The following ANKRD42 variants were observed in gnomAD, a reference collection of about 807,000 sequenced individuals.
ANKRD42 encodes ankyrin repeat domain-containing protein 42.
In ANKRD42, 43 loss-of-function variants were observed where a neutral mutation model predicts 51.5. The observed-to-expected ratio is 0.83, with a 90% CI of 0.65 to 1.08. The LOEUF (loss-of-function observed/expected upper bound fraction) is 1.08, where lower values mean the gene tolerates loss of function less well. Among genes scored for constraint, ANKRD42 ranks in the 50% least tolerant of loss-of-function variants. The probability of loss-of-function intolerance (pLI) is 0.00; values close to 1 mark genes in which losing one functional copy is unlikely to be tolerated. For missense variants in ANKRD42, 608 were observed against 629.3 expected (o/e 0.97, Z 0.36); for synonymous variants, 203 against 213.0 (o/e 0.95, Z 0.41).
intron 5 of ANKRD42, chr11:83,214,691 G>C: frequency 2.5e-6 from 1 of 406,244 alleles, no homozygotes; most frequent in Non-Finnish European, 3.3e-6. Context: ...AAGGTAATTG[G>C]GGTAGCCATC....
downstream of ANKRD42, among the ~76,000 whole-genome samples, chr11:83,264,073 C>A (rs534759932): frequency 1.3e-5 from 2 of 152,124 alleles, no homozygotes; most frequent in African/African-American, 2.4e-5. Context: ...TATAGAAATA[C>A]TAGCACAGGG....
chr11:83,213,413 T>C, intron 5 of ANKRD42: 1 of 1,547,374 alleles, frequency 6.5e-7, no homozygotes, highest in Non-Finnish European at 8.7e-7. Context: ...AGACAGCTCA[T>C]GTGCATGTTT....
chr11:83,220,066 T>TC (rs1414461159), intron 5 of ANKRD42, among the ~76,000 whole-genome samples: 25 of 152,188 alleles, frequency 1.6e-4, no homozygotes, highest in African/African-American at 6.0e-4. Context: ...GATGTGGCTG[T>TC]CTCATACTCA....
At chr11:83,252,607 C>T (rs1436362331), downstream of ANKRD42, among the ~76,000 whole-genome samples, 4 of 152,072 alleles carry the variant, frequency 2.6e-5, no homozygotes, top group South Asian at 4.1e-4. Flanking sequence ...GAACACATAC[C>T]GTGTGATTAC....
chr11:83,224,064 C>G (rs973398904), intron 5 of ANKRD42, among the ~76,000 whole-genome samples: 11 of 142,914 alleles, frequency 7.7e-5, no homozygotes, highest in Non-Finnish European at 1.7e-4. Context: ...TTGTTTTTTT[C>G]TTTAGTTTTT....
At chr11:83,221,298 G>T (rs1031908559) in intron 5 of ANKRD42, among the ~76,000 whole-genome samples, 2 of 152,000 alleles carry the variant, frequency 1.3e-5, no homozygotes, top group African/African-American at 4.8e-5. Context: ...GTTCTTCTAG[G>T]TTTCTTTGAG....
chr11:83,261,999 G>C, downstream of ANKRD42: 5 of 1,464,182 alleles, frequency 3.4e-6, no homozygotes, highest in Middle Eastern at 3.5e-4. Flanking sequence ...TATAGGTCTT[G>C]TATCTGTAAT....
At chr11:83,245,148 C>T (rs1195866732) in intron 9 of ANKRD42, among the ~76,000 whole-genome samples, 1 of 152,218 alleles carries the variant, frequency 6.6e-6, no homozygotes, top group African/African-American at 2.4e-5. Context: ...AGGTGATCCA[C>T]CCGCCTCGGC....
At chr11:83,233,929 C>T (rs183829827) in intron 7 of ANKRD42, among the ~76,000 whole-genome samples, 28 of 152,300 alleles carry the variant, frequency 1.8e-4, no homozygotes, top group African/African-American at 6.5e-4. Flanking sequence ...GTGATCCACC[C>T]GCTTTGGCCT....
intron 11 of ANKRD42, among the ~76,000 whole-genome samples, chr11:83,254,025 C>T (rs1181388246): frequency 2.0e-5 from 3 of 152,264 alleles, no homozygotes; most frequent in Admixed American, 2.0e-4. Flanking sequence ...CCCAGGCTGG[C>T]ATTCAGGGTC....
chr11:83,214,605 T>C lies in ANKRD42; in HGVS notation c.586+3175T>C, dbSNP rs1446917446. 10 of 953,714 alleles carry C rather than the reference T, an allele frequency of 1.0e-5. No individual in the cohort carries two copies. The African/African-American group carries it at 1.2e-4, about 12-fold the overall frequency. 59.1% of individuals were successfully genotyped at this position (953,714 alleles called of 1,614,324 possible). On this transcript the variant is annotated intron_variant, in intron 5 of 10. Coordinates refer to ENST00000533342, the MANE Select transcript of ANKRD42 (RefSeq NM_001300975.2). Reference sequence around the variant, plus strand: ...TAAAATTATTTTTTATTGATAAATGTACATATTTTTGGTGTACATGTGATA... The same window carrying C: ...TAAAATTATTTTTTATTGATAAATGCACATATTTTTGGTGTACATGTGATA...
At chr11:83,236,369 G>A (rs759259409) in intron 7 of ANKRD42, 35 bp from the exon 8 acceptor site, 1 of 1,550,348 alleles carries the variant, frequency 6.5e-7, no homozygotes, top group Non-Finnish European at 8.7e-7. Context: ...ACTTTTTTGT[G>A]TGTAATTCCT....
chr11:83,225,878 G>A (rs964293143), intron 6 of ANKRD42, among the ~76,000 whole-genome samples: 1 of 151,218 alleles, frequency 6.6e-6, no homozygotes, highest in African/African-American at 2.4e-5. Context: ...CTCCTCAAGG[G>A]TAAACTATTA....
downstream of ANKRD42, among the ~76,000 whole-genome samples, chr11:83,262,649 A>G (rs1347421213): frequency 4.6e-5 from 7 of 152,172 alleles, no homozygotes; most frequent in Admixed American, 4.6e-4. Context: ...GACAAGTGAG[A>G]GATGAATGGA....
intron 2 of ANKRD42, among the ~76,000 whole-genome samples, chr11:83,205,516 G>A (rs1862037637): frequency 6.6e-6 from 1 of 152,130 alleles, no homozygotes; most frequent in Non-Finnish European, 1.5e-5. Context: ...TTTAAGTACT[G>A]TATTATATTG....
At position 83,248,560 on chromosome 11, in the gene ANKRD42, A is replaced by G. The variant is rs939424035; in HGVS notation, c.*356A>G. The G allele has an allele frequency of 3.0e-6, 3 of 995,096 alleles. No homozygotes were observed. The highest frequency in any genetic ancestry group is 3.5e-5 in the African/African-American group (2 of 57,626). 61.6% of individuals were successfully genotyped at this position (995,096 alleles called of 1,614,324 possible). On this transcript the variant is annotated 3_prime_UTR_variant, in exon 11 of 11. Coordinates refer to ENST00000533342, the MANE Select transcript of ANKRD42 (RefSeq NM_001300975.2). ...TGAATGGAATCCATATTTTCTTTCC[A>G]TAGGGAAGTTTCTTCATCAATCATC...
intron 1 of ANKRD42, among the ~76,000 whole-genome samples, chr11:83,197,874 G>A (rs1433112927): frequency 1.3e-5 from 2 of 152,182 alleles, no homozygotes; most frequent in Non-Finnish European, 2.9e-5. Flanking sequence ...TGAGGCTCTG[G>A]TGAAGTCTTT....
chr11:83,209,774 T>G, intron 3 of ANKRD42: 1 of 596,672 alleles, frequency 1.7e-6, no homozygotes, highest in South Asian at 1.9e-5. Flanking sequence ...TGTTTCAATG[T>G]GCTGGTAACT....
At chr11:83,235,374 A>G (rs1181246468) in intron 7 of ANKRD42, among the ~76,000 whole-genome samples, 2 of 152,238 alleles carry the variant, frequency 1.3e-5, no homozygotes, top group Non-Finnish European at 2.9e-5. Context: ...TTTAATACTT[A>G]TTGCAGTTTT....
Sources: allele counts gnomAD v4.1 joint callset (sites outside exome capture counted in the v4.1 genomes callset), GRCh38; gene constraint gnomAD v4.1.1; transcripts MANE v1.5; gene names NCBI Gene and HGNC (gene_info 2026-07-23, HGNC 2026-07-21).